Variants in ARSB observed in about 807,000 individuals in gnomAD.
ARSB encodes N-acetylgalactosamine-4-sulfatase.
A neutral mutation model predicts 50.9 loss-of-function variants in ARSB; 41 were observed. That is an observed-to-expected ratio of 0.81 (90% CI 0.63 to 1.04). The LOEUF (loss-of-function observed/expected upper bound fraction) is 1.04, where lower values mean the gene tolerates loss of function less well. Among genes scored for constraint, ARSB ranks in the 50% least tolerant of loss-of-function variants. The pLI is 0.00. For synonymous variants in ARSB, 269 were observed against 284.8 expected, an observed-to-expected ratio of 0.94 and a Z score of 0.56; for missense variants, 672 against 693.3, an observed-to-expected ratio of 0.97 and a Z score of 0.35.
Position 78,935,195 on chromosome 5 carries a change from A to C in ARSB, c.898+20100T>G, listed in dbSNP as rs866928312. Among the ~76,000 whole-genome samples the C allele has an allele frequency of 4.6e-5, 7 of 152,232 alleles. 1 individual carries two copies. The South Asian group carries it at 1.2e-3, about 27-fold the overall frequency. ...TAAAGAATATAAGAAATATGAAGAA[A>C]AGAAGAAAGTATCAGAGGAAATAAT... On this transcript the variant is annotated intron_variant, in intron 4 of 7. Coordinates refer to ENST00000264914, the MANE Select transcript of ARSB (RefSeq NM_000046.5).
chr5:78,937,909 C>T lies in ARSB; in HGVS notation c.898+17386G>A, dbSNP rs374082410. The stretch of plus-strand genomic sequence containing the variant: ...TCAAACATGAGGATGATTCCATTTC[C>T]AGGGTCACAGAGAAGTGAAAAACTC... On this transcript the variant is annotated intron_variant, in intron 4 of 7. Coordinates refer to ENST00000264914, the MANE Select transcript of ARSB (RefSeq NM_000046.5). 3.9e-5 allele frequency among the ~76,000 whole-genome samples: 6 copies of T among 152,238 alleles called. No individual in the cohort carries two copies. In the South Asian group the frequency reaches 1.2e-3, roughly 32 times the overall value.
At chr5:78,922,751 T>C (rs1260026191) in intron 4 of ARSB, among the ~76,000 whole-genome samples, 1 of 151,876 alleles carries the variant, frequency 6.6e-6, no homozygotes, top group Non-Finnish European at 1.5e-5. Flanking sequence ...AAGCTGACTC[T>C]TGATATCCCT....
intron 6 of ARSB, among the ~76,000 whole-genome samples, chr5:78,831,847 G>A (rs1744707462): frequency 6.6e-6 from 1 of 152,106 alleles, no homozygotes; most frequent in Non-Finnish European, 1.5e-5. Context: ...CAGGCTGAAA[G>A]AAAGATGCCT....
chr5:78,856,506 C>T (rs1746148485), intron 5 of ARSB, among the ~76,000 whole-genome samples: 1 of 152,166 alleles, frequency 6.6e-6, no homozygotes, highest in Non-Finnish European at 1.5e-5. Context: ...ATCACAATGA[C>T]ACAATTTCTT....
intron 4 of ARSB, among the ~76,000 whole-genome samples, chr5:78,952,292 T>A (rs748945920): frequency 2.0e-5 from 3 of 151,944 alleles, no homozygotes; most frequent in Admixed American, 2.0e-4. Context: ...TCAAATATCA[T>A]GAAAAAAATT....
intron 5 of ARSB, chr5:78,884,551 C>CG (rs1362740374): frequency 6.6e-6 from 1 of 152,122 alleles, no homozygotes; most frequent in Non-Finnish European, 1.5e-5. Context: ...GTCCTCTCCC[C>CG]CTGGCCACTA....
At chr5:78,946,876 T>TTA (rs2112457656) in intron 4 of ARSB, among the ~76,000 whole-genome samples, 1 of 152,198 alleles carries the variant, frequency 6.6e-6, no homozygotes, top group Non-Finnish European at 1.5e-5. Flanking sequence ...TGATTTCAAA[T>TTA]TATACTATAG....
At chr5:78,813,276 C>A (rs1743881602) in intron 6 of ARSB, among the ~76,000 whole-genome samples, 1 of 151,998 alleles carries the variant, frequency 6.6e-6, no homozygotes, top group African/African-American at 2.4e-5. Flanking sequence ...GTTGGCCAGG[C>A]TAGTCTTGAA....
rs111394141 is a variant in ARSB at position 78,848,599 on chromosome 5, C to A, written c.1143-9173G>T. ...ATACCCCGTAATGGGATGGCTGGGT[C>A]AAATGGTATTTCTAGTCTAGTTCTA... On this transcript the variant is annotated intron_variant, in intron 5 of 7. Transcript: ENST00000264914. Among the ~76,000 whole-genome samples the A allele has an allele frequency of 6.6e-3, 1,003 of 151,600 alleles. 6 individuals are homozygous for A. Among genetic ancestry groups the A allele is most frequent in the South Asian group, 0.031 (148 of 4,816 alleles).
At chr5:78,841,149 A>ACTG (rs1745182028) in intron 5 of ARSB, among the ~76,000 whole-genome samples, 1 of 123,382 alleles carries the variant, frequency 8.1e-6, no homozygotes, top group Admixed American at 8.9e-5. Flanking sequence ...TACTACTACT[A>ACTG]CTACTACTAC....
At position 78,911,572 on chromosome 5, in the gene ARSB, T is replaced by TAAAAAAAAAA. The variant is rs71001137; in HGVS notation, c.899-25755_899-25746dup. 4.3e-4 allele frequency among the ~76,000 whole-genome samples: 29 copies of TAAAAAAAAAA among 67,846 alleles called. 1 individual carries two copies. Among genetic ancestry groups the TAAAAAAAAAA allele is most frequent in the Non-Finnish European group, 5.8e-4 (23 of 39,328 alleles). 44.5% of individuals were successfully genotyped at this position (67,846 alleles called of 152,430 possible). A position where few individuals can be genotyped will look rare whatever the true frequency, so the allele number is the denominator to read the frequency against. On this transcript the variant is annotated intron_variant, in intron 4 of 7. Transcript: ENST00000264914. ...CTGGGGAACAGAGTGAGACTCCCTC[T>TAAAAAAAAAA]AAAAAAAAAAAAAAAAAAAAAAAAA...
rs78235660 is a variant in ARSB, at chr5:78,973,119, G to A, written c.313-3927C>T. Among the ~76,000 whole-genome samples, 391 of 152,208 alleles carry A rather than the reference G, an allele frequency of 2.6e-3. 2 individuals are homozygous for A. Among genetic ancestry groups the A allele is most frequent in the African/African-American group, 9.2e-3 (381 of 41,494 alleles). On this transcript the variant is annotated intron_variant, in intron 1 of 7. Coordinates refer to ENST00000264914, the MANE Select transcript of ARSB (RefSeq NM_000046.5). The stretch of plus-strand genomic sequence containing the variant: ...TACAGAGCCACGCCATGCTGCAAGG[G>A]GCAGGAAGGCAACCGGGCACCAATA...
Position 78,780,284 on chromosome 5 carries a change from A to G in ARSB, c.*113T>C. 6.9e-7 allele frequency: 1 copy of G among 1,450,924 alleles called. No homozygotes were observed. Among genetic ancestry groups the G allele is most frequent in the South Asian group, 1.2e-5 (1 of 86,236 alleles). The allele number at this position is 1,450,924 out of a possible 1,614,324, so 89.9% of individuals were successfully genotyped here. A position where few individuals can be genotyped will look rare whatever the true frequency, so the allele number is the denominator to read the frequency against. On this transcript the variant is annotated 3_prime_UTR_variant, in exon 8 of 8. Coordinates refer to ENST00000264914, the MANE Select transcript of ARSB (RefSeq NM_000046.5). ...ATTAGACACCTCGGTGTGGTTTAAG[A>G]GCAAGAGAAGGGCCAAGTGAACCCA...
At chr5:78,927,299 A>G (rs2112373907) in intron 4 of ARSB, among the ~76,000 whole-genome samples, 1 of 152,268 alleles carries the variant, frequency 6.6e-6, no homozygotes, top group Non-Finnish European at 1.5e-5. Context: ...GAAATTCAGT[A>G]TTTTACCCTT....
chr5:78,859,203 C>A (rs530510340), intron 5 of ARSB, among the ~76,000 whole-genome samples: 1 of 151,808 alleles, frequency 6.6e-6, no homozygotes, highest in Non-Finnish European at 1.5e-5. Context: ...AGTATAGGCA[C>A]GGAAATTAGA....
At chr5:78,941,191 C>A (rs1301788364) in intron 4 of ARSB, among the ~76,000 whole-genome samples, 2 of 151,274 alleles carry the variant, frequency 1.3e-5, no homozygotes, top group African/African-American at 4.9e-5. Flanking sequence ...GGGGCTGAGA[C>A]GATGGGGTTT....
intron 6 of ARSB, among the ~76,000 whole-genome samples, chr5:78,799,985 T>G (rs1743322301): frequency 6.6e-6 from 1 of 152,178 alleles, no homozygotes; most frequent in African/African-American, 2.4e-5. Flanking sequence ...GCAAACAATC[T>G]GTGACAAACC....
At chr5:78,867,549 C>A (rs1234783937) in intron 5 of ARSB, among the ~76,000 whole-genome samples, 1 of 152,026 alleles carries the variant, frequency 6.6e-6, no homozygotes, top group Non-Finnish European at 1.5e-5. Context: ...CACCCCCCAG[C>A]AGGGGCACAC....
chr5:78,939,260 G>T lies in ARSB; in HGVS notation c.898+16035C>A, dbSNP rs559313411. On this transcript the variant is annotated intron_variant, in intron 4 of 7. Transcript: ENST00000264914. ...TAAAAAGAGCTCTCAACATCAAGTG[G>T]TCCAAGCTCTCCTATGTATTTCTTT... 1.9e-4 allele frequency among the ~76,000 whole-genome samples: 28 copies of T among 149,816 alleles called. No individual in the cohort carries two copies. The South Asian group carries it at 5.7e-3, about 31-fold the overall frequency.
Sources: gnomAD v4.1 joint callset for allele counts (sites outside exome capture counted in the v4.1 genomes callset) on GRCh38, gnomAD v4.1.1 for gene constraint, MANE v1.5 for transcripts, NCBI Gene and HGNC (gene_info 2026-07-23, HGNC 2026-07-21) for gene names.